BNC2: variants seen among roughly 807,000 people sequenced by gnomAD.
BNC2 encodes the protein basonuclin zinc finger protein 2, also known as zinc finger protein basonuclin-2.
BNC2 carries 20 observed loss-of-function variants against 76.3 expected under a neutral mutation model. That is an observed-to-expected ratio of 0.26 (90% confidence interval 0.18 to 0.38). The LOEUF (loss-of-function observed/expected upper bound fraction) is 0.38, where lower values mean the gene tolerates loss of function less well. BNC2 is among the 10% of genes least tolerant of loss of function. The pLI is 1.00. For missense variants in BNC2, 1,382 were observed against 1,399.8 expected, an observed-to-expected ratio of 0.99 and a Z score of 0.20; for synonymous variants, 582 against 514.8, an observed-to-expected ratio of 1.13 and a Z score of -1.77.
At chr9:16,590,557 G>T (rs1241385497) in intron 3 of BNC2, among the ~76,000 whole-genome samples, 2 of 151,410 alleles carry the variant, frequency 1.3e-5, no homozygotes, top group Admixed American at 1.3e-4. Flanking sequence ...GCTCATGCCT[G>T]TAATCTCAGC....
At chr9:16,818,387 A>G (rs148817855) in intron 1 of BNC2, among the ~76,000 whole-genome samples, 122 of 152,200 alleles carry the variant, frequency 8.0e-4, no homozygotes, top group Admixed American at 1.4e-3. Context: ...CTGGGCAACA[A>G]AGCGAGACTC....
At chr9:16,679,436 T>C (rs916904895) in intron 3 of BNC2, among the ~76,000 whole-genome samples, 1 of 152,226 alleles carries the variant, frequency 6.6e-6, no homozygotes, top group South Asian at 2.1e-4. Flanking sequence ...CATGAGCTAA[T>C]ATAATTCAAT....
chr9:16,856,885 G>A (rs1416742), intron 1 of BNC2, among the ~76,000 whole-genome samples: 64,400 of 151,986 alleles, frequency 0.42, 16,256 homozygotes, highest in Non-Finnish European at 0.58. Context: ...ATTACAGGGA[G>A]ATTAGATACC....
chr9:16,543,662 A>T (rs1049818163), intron 5 of BNC2, among the ~76,000 whole-genome samples: 5 of 152,222 alleles, frequency 3.3e-5, no homozygotes, highest in Non-Finnish European at 7.3e-5. Context: ...AGCACAAAAC[A>T]TCAAGCTTTG....
chr9:16,419,306 C>G lies in BNC2; in HGVS notation c.2983G>C (p.Gly995Arg), dbSNP rs143124811. Residue 995 changes from glycine to arginine, a missense_variant, in exon 7 of 7, where the codon GGG becomes CGG. Physicochemically the swap from Gly to Arg is moderately radical, Grantham distance 125 (BLOSUM62 -2). Coordinates refer to ENST00000380672, the MANE Select transcript of BNC2 (RefSeq NM_017637.6). ...GCCGACTCCCCACTGTCACTCGCCCCGTCAATGTCATCGAGAAGAATCCCC... is the reference window on the plus strand; with the variant it reads ...GCCGACTCCCCACTGTCACTCGCCCGGTCAATGTCATCGAGAAGAATCCCC... Reference protein sequence around the residue: ...DEGILLDDIDGASDSGESAHK... With the variant: ...DEGILLDDIDRASDSGESAHK... 2 of 1,613,658 alleles carry G rather than the reference C, an allele frequency of 1.2e-6. No individual in the cohort carries two copies. The highest frequency in any genetic ancestry group is 1.7e-6 in the Non-Finnish European group (2 of 1,179,760).
intron 3 of BNC2, among the ~76,000 whole-genome samples, chr9:16,677,734 C>T (rs1332910261): frequency 2.6e-5 from 4 of 152,062 alleles, no homozygotes; most frequent in Non-Finnish European, 2.9e-5. Context: ...GAGGGTAACC[C>T]AGAGCTGCAA....
intron 3 of BNC2, among the ~76,000 whole-genome samples, chr9:16,718,139 C>T (rs1360826460): frequency 1.3e-5 from 2 of 152,170 alleles, no homozygotes; most frequent in Non-Finnish European, 2.9e-5. Context: ...GCTGTGAACA[C>T]TCTCTTTTTC....
intron 5 of BNC2, among the ~76,000 whole-genome samples, chr9:16,472,608 G>A (rs575653480): frequency 6.6e-6 from 1 of 152,166 alleles, no homozygotes; most frequent in Non-Finnish European, 1.5e-5. Flanking sequence ...TTCAAACATA[G>A]TGAAACTTCT....
At chr9:16,699,221 T>C (rs1334834894) in intron 3 of BNC2, 10 of 470,994 alleles carry the variant, frequency 2.1e-5, no homozygotes, top group Admixed American at 1.2e-4. Flanking sequence ...CCCCACTATA[T>C]GTGGCAACCT....
intron 3 of BNC2, among the ~76,000 whole-genome samples, chr9:16,713,228 C>T (rs1276609506): frequency 6.6e-6 from 1 of 151,982 alleles, no homozygotes; most frequent in Non-Finnish European, 1.5e-5. Context: ...TGTCTTGAGC[C>T]CTAGGAATAA....
chr9:16,463,101 G>A (rs932670092), intron 5 of BNC2, among the ~76,000 whole-genome samples: 2 of 152,048 alleles, frequency 1.3e-5, no homozygotes, highest in African/African-American at 4.8e-5. Flanking sequence ...TGTGCAGGGA[G>A]ACTAGTACAC....
rs191290626 is a variant in BNC2, at chr9:16,788,349, C to G, written c.4-49864G>C. 9.4e-4 allele frequency among the ~76,000 whole-genome samples: 142 copies of G among 151,598 alleles called. 1 individual carries two copies. The highest frequency in any genetic ancestry group is 1.2e-3 in the Non-Finnish European group (78 of 67,734). ...TGGGCAGATCATGAAGTCAGGAGAT[C>G]GAGACCATCCTGGCTAACATGGTGA... On this transcript the variant is annotated intron_variant, in intron 1 of 6. Transcript: ENST00000380672.
chr9:16,492,636 T>C (rs1822302178), intron 5 of BNC2, among the ~76,000 whole-genome samples: 1 of 152,328 alleles, frequency 6.6e-6, no homozygotes, highest in South Asian at 2.1e-4. Context: ...AATCATATGA[T>C]GTATTTCTTG....
At chr9:16,777,715 AAAG>A (rs1826008843) in intron 1 of BNC2, among the ~76,000 whole-genome samples, 1 of 151,712 alleles carries the variant, frequency 6.6e-6, no homozygotes, top group African/African-American at 2.4e-5. Flanking sequence ...AAAAAAAAAA[AAAG>A]AACTGTTAGG....
chr9:16,527,615 C>G lies in BNC2; in HGVS notation c.669+24915G>C, dbSNP rs372003905. On this transcript the variant is annotated intron_variant, in intron 5 of 6. Transcript: ENST00000380672. The stretch of plus-strand genomic sequence containing the variant: ...AGCACCACTTTTCTGTGAACGACAA[C>G]TGATAGGTCAAATCACTAGGGAGCG... Among the ~76,000 whole-genome samples, 27 of 152,306 alleles carry G rather than the reference C, an allele frequency of 1.8e-4. No homozygotes were observed. The East Asian group carries it at 2.9e-3, about 16-fold the overall frequency.
At chr9:16,471,880 G>A (rs1337692550) in intron 5 of BNC2, among the ~76,000 whole-genome samples, 1 of 152,078 alleles carries the variant, frequency 6.6e-6, no homozygotes, top group Non-Finnish European at 1.5e-5. Flanking sequence ...AATCATGGGG[G>A]CGGGTCTTTG....
At chr9:16,506,244 T>G (rs2131845825) in intron 5 of BNC2, among the ~76,000 whole-genome samples, 1 of 152,242 alleles carries the variant, frequency 6.6e-6, no homozygotes, top group Non-Finnish European at 1.5e-5. Flanking sequence ...GTCACAAAAA[T>G]ACTTATGTGA....
chr9:16,758,099 G>T (rs1339635858), intron 1 of BNC2, among the ~76,000 whole-genome samples: 1 of 152,130 alleles, frequency 6.6e-6, no homozygotes, highest in East Asian at 1.9e-4. Context: ...CTGCTTCCTT[G>T]TATTTCTCAG....
intron 4 of BNC2, among the ~76,000 whole-genome samples, chr9:16,557,855 G>C (rs1200791090): frequency 6.8e-6 from 1 of 148,014 alleles, no homozygotes; most frequent in Admixed American, 6.7e-5. Flanking sequence ...TTTTTTTTTT[G>C]TTGTTGTTTG....
Sources: gnomAD v4.1 joint callset for allele counts (sites outside exome capture counted in the v4.1 genomes callset) on GRCh38, gnomAD v4.1.1 for gene constraint, MANE v1.5 for transcripts, NCBI Gene and HGNC (gene_info 2026-07-23, HGNC 2026-07-21) for gene names.